The following KCNH7 variants were observed in gnomAD, a reference collection of about 807,000 sequenced individuals.
KCNH7 encodes the protein potassium voltage-gated channel subfamily H member 7, also known as voltage-gated inwardly rectifying potassium channel KCNH7.
Under a neutral mutation model 120.8 loss-of-function variants are expected in KCNH7, and 49 were observed. That is an observed-to-expected ratio of 0.41 (90% CI 0.32 to 0.51). KCNH7 has a LOEUF of 0.51. Among genes scored for constraint, KCNH7 ranks in the 20% least tolerant of loss-of-function variants. KCNH7 has a pLI of 0.38. For missense variants in KCNH7, 1,097 were observed against 1,446.6 expected (o/e 0.76, Z 3.92); for synonymous variants, 547 against 516.1 (o/e 1.06, Z -0.81).
rs76529604 is a variant in KCNH7 at position 162,377,094 on chromosome 2, A to C, written c.3131+2759T>G. On this transcript the variant is annotated intron_variant, in intron 14 of 15. Transcript: ENST00000332142. ...GAAGCTAAACAGGGTAGACTCCACT[A>C]TAGAACGTGTCCTGGGATTCTCGCT... Among the ~76,000 whole-genome samples the C allele has an allele frequency of 1.0e-3, 153 of 152,316 alleles. No individual in the cohort carries two copies. In the East Asian group the frequency reaches 0.021, roughly 21 times the overall value.
intron 2 of KCNH7, among the ~76,000 whole-genome samples, chr2:162,831,073 G>A (rs776694785): frequency 1.3e-5 from 2 of 152,074 alleles, no homozygotes; most frequent in Non-Finnish European, 2.9e-5. Flanking sequence ...TAGGTACATC[G>A]AGTAGCAGTA....
chr2:162,554,523 G>T (rs191461962), intron 2 of KCNH7, among the ~76,000 whole-genome samples: 1 of 152,148 alleles, frequency 6.6e-6, no homozygotes, highest in Non-Finnish European at 1.5e-5. Flanking sequence ...GGCCCGAAGA[G>T]TGAATTCATT....
chr2:162,600,694 A>C (rs901313477), intron 2 of KCNH7, among the ~76,000 whole-genome samples: 2 of 152,162 alleles, frequency 1.3e-5, no homozygotes, highest in Non-Finnish European at 2.9e-5. Flanking sequence ...TACTTGTTGC[A>C]TGAATTAACA....
chr2:162,644,952 T>C (rs968666652), intron 2 of KCNH7, among the ~76,000 whole-genome samples: 6 of 152,156 alleles, frequency 3.9e-5, no homozygotes, highest in Non-Finnish European at 7.4e-5. Context: ...ATTTAGTCAA[T>C]ATATGTGTGT....
At chr2:162,704,676 T>C (rs2105348488) in intron 2 of KCNH7, among the ~76,000 whole-genome samples, 1 of 152,342 alleles carries the variant, frequency 6.6e-6, no homozygotes, top group Non-Finnish European at 1.5e-5. Context: ...GCCAATTTCT[T>C]TCCATCTCCT....
At chr2:162,392,212 T>A (rs1686764172) in intron 12 of KCNH7, among the ~76,000 whole-genome samples, 1 of 151,960 alleles carries the variant, frequency 6.6e-6, no homozygotes, top group Admixed American at 6.6e-5. Context: ...AAATATATCA[T>A]TTGAGATTGA....
intron 2 of KCNH7, among the ~76,000 whole-genome samples, chr2:162,612,061 A>T (rs1434267034): frequency 6.6e-6 from 1 of 152,228 alleles, no homozygotes; most frequent in Non-Finnish European, 1.5e-5. Flanking sequence ...AATAATGTGA[A>T]AAGCCCTATG....
At chr2:162,689,625 C>T (rs752147608) in intron 2 of KCNH7, among the ~76,000 whole-genome samples, 5 of 152,024 alleles carry the variant, frequency 3.3e-5, no homozygotes, top group Non-Finnish European at 7.4e-5. Context: ...TTAGGCCTCA[C>T]ATTTTAATAT....
At chr2:162,501,733 A>T (rs1354037716) in intron 6 of KCNH7, among the ~76,000 whole-genome samples, 1 of 150,880 alleles carries the variant, frequency 6.6e-6, no homozygotes, top group Non-Finnish European at 1.5e-5. Flanking sequence ...CTCTTTTACA[A>T]GGACACTAAT....
chr2:162,811,780 T>C (rs980876616), intron 2 of KCNH7, among the ~76,000 whole-genome samples: 5 of 152,094 alleles, frequency 3.3e-5, no homozygotes, highest in Non-Finnish European at 7.4e-5. Context: ...GAAGACTTCA[T>C]GATTAGAAGA....
chr2:162,670,470 C>CAAAAAAAA (rs61610131), intron 2 of KCNH7, among the ~76,000 whole-genome samples: 6 of 48,226 alleles, frequency 1.2e-4, no homozygotes, highest in Non-Finnish European at 1.9e-4. Context: ...CGAACTCTGT[C>CAAAAAAAA]AAAAAAAAAA....
chr2:162,745,346 C>T (rs772294120), intron 2 of KCNH7, among the ~76,000 whole-genome samples: 12 of 152,148 alleles, frequency 7.9e-5, no homozygotes, highest in African/African-American at 1.2e-4. Context: ...GGTTTTATAA[C>T]GGCAGCTTGA....
intron 2 of KCNH7, among the ~76,000 whole-genome samples, chr2:162,753,003 GAAAA>G (rs1688649457): frequency 6.9e-6 from 1 of 145,262 alleles, no homozygotes; most frequent in Admixed American, 6.8e-5. Context: ...GAAAAGAAAA[GAAAA>G]GAAAAGAAAA....
At chr2:162,796,171 C>T (rs1684138867) in intron 2 of KCNH7, 1 of 152,082 alleles carries the variant, frequency 6.6e-6, no homozygotes, top group Admixed American at 6.6e-5. Flanking sequence ...GTCTGAATTT[C>T]ATGTCTACCA....
chr2:162,670,057 C>T (rs958192233), intron 2 of KCNH7, among the ~76,000 whole-genome samples: 2 of 152,010 alleles, frequency 1.3e-5, no homozygotes, highest in South Asian at 2.1e-4. Flanking sequence ...CAGGAGATTG[C>T]GCCACTGTAC....
At chr2:162,415,997 G>A (rs1329998158) in intron 9 of KCNH7, among the ~76,000 whole-genome samples, 2 of 152,000 alleles carry the variant, frequency 1.3e-5, no homozygotes, top group African/African-American at 4.8e-5. Flanking sequence ...TGTTTTCCTG[G>A]CATTATACTC....
chr2:162,683,329 A>G (rs1298203851), intron 2 of KCNH7, among the ~76,000 whole-genome samples: 1 of 151,916 alleles, frequency 6.6e-6, no homozygotes, highest in Non-Finnish European at 1.5e-5. Context: ...TTTAAAATTA[A>G]CTTAATATAT....
intron 2 of KCNH7, among the ~76,000 whole-genome samples, chr2:162,602,088 A>G (rs1396117102): frequency 6.6e-6 from 1 of 152,060 alleles, no homozygotes; most frequent in African/African-American, 2.4e-5. Flanking sequence ...AGGAGAATCT[A>G]TTAGGATATT....
intron 2 of KCNH7, among the ~76,000 whole-genome samples, chr2:162,617,967 C>A (rs1362794052): frequency 6.6e-6 from 1 of 151,730 alleles, no homozygotes; most frequent in East Asian, 1.9e-4. Flanking sequence ...CCCTGATAAA[C>A]ATAAACTTAA....
Sources: gnomAD v4.1 joint callset for allele counts (sites outside exome capture counted in the v4.1 genomes callset) on GRCh38, gnomAD v4.1.1 for gene constraint, MANE v1.5 for transcripts, NCBI Gene and HGNC (gene_info 2026-07-23, HGNC 2026-07-21) for gene names.